MOV10L1: variants seen among roughly 807,000 people sequenced by gnomAD.
MOV10L1 encodes the protein Mov10 like RNA helicase 1, also known as RNA helicase Mov10l1.
A neutral mutation model predicts 143.8 loss-of-function variants in MOV10L1; 110 were observed. That is an observed-to-expected ratio of 0.76 (90% CI 0.66 to 0.90). MOV10L1 has a LOEUF of 0.90. Among genes scored for constraint, MOV10L1 ranks in the 40% least tolerant of loss-of-function variants. MOV10L1 has a pLI of 0.00. For synonymous variants in MOV10L1, 593 were observed against 581.1 expected (o/e 1.02, Z -0.29); for missense variants, 1,406 against 1,526.8 (o/e 0.92, Z 1.32).
intron 3 of MOV10L1, among the ~76,000 whole-genome samples, chr22:50,100,732 C>G (rs941167981): frequency 1.3e-5 from 2 of 151,994 alleles, no homozygotes; most frequent in African/African-American, 4.8e-5. Flanking sequence ...GTCTTGAACT[C>G]CTGACCTTGT....
At chr22:50,117,928 G>A (rs1178424951) in intron 9 of MOV10L1, among the ~76,000 whole-genome samples, 1 of 152,082 alleles carries the variant, frequency 6.6e-6, no homozygotes, top group Non-Finnish European at 1.5e-5. Context: ...GTTATAAAAC[G>A]AAAAAGCCCT....
intron 20 of MOV10L1, among the ~76,000 whole-genome samples, chr22:50,150,036 C>T (rs2063254878): frequency 6.6e-6 from 1 of 152,006 alleles, no homozygotes; most frequent in Admixed American, 6.5e-5. Flanking sequence ...GGCCAGTGCT[C>T]CTGCATCTGA....
At chr22:50,122,889 C>T (rs375783026) in intron 10 of MOV10L1, among the ~76,000 whole-genome samples, 107 of 152,110 alleles carry the variant, frequency 7.0e-4, no homozygotes, top group African/African-American at 1.9e-3. Flanking sequence ...CCACCATGCC[C>T]GGCTAACTTT....
At position 50,145,792 on chromosome 22, in the gene MOV10L1, T is replaced by G; in HGVS notation, c.2609T>G (p.Phe870Cys). The change falls in exon 19 of 27, where the codon TTT becomes TGT. Residue 870 changes from phenylalanine to cysteine, a missense_variant. By Grantham distance (205) the Phe-to-Cys change is radical. Transcript: ENST00000262794. ...ACCACATGCAGCAGCTCAGGGCTGTTTTACCAAATAGGAGTGAGGTGAGCC... is the reference window on the plus strand; with the variant it reads ...ACCACATGCAGCAGCTCAGGGCTGTGTTACCAAATAGGAGTGAGGTGAGCC... ...IITTCSSSGL[F>C]YQIGVRVGHF... The G allele has an allele frequency of 6.2e-7, 1 of 1,613,940 alleles. No homozygotes were observed. Among genetic ancestry groups the G allele is most frequent in the Non-Finnish European group, 8.5e-7 (1 of 1,179,988 alleles).
At chr22:50,111,893 A>C (rs2062035789) in intron 5 of MOV10L1, among the ~76,000 whole-genome samples, 1 of 152,108 alleles carries the variant, frequency 6.6e-6, no homozygotes, top group Non-Finnish European at 1.5e-5. Context: ...TTTGATCCCG[A>C]TAGAATGCAG....
chr22:50,145,687 A>G lies in MOV10L1; in HGVS notation c.2506-2A>G. ...ACTAACTCTACGCCTCCTTGCCCCC[A>G]GATAGTTATTGACGCCGTCAAACCG... On this transcript the variant is annotated splice_acceptor_variant, in intron 18 of 26. Transcript: ENST00000262794. LOFTEE classifies it high-confidence loss of function. 1 of 1,614,088 alleles carries G rather than the reference A, an allele frequency of 6.2e-7. No individual in the cohort carries two copies. The highest frequency in any genetic ancestry group is 8.5e-7 in the Non-Finnish European group (1 of 1,180,006).
intron 15 of MOV10L1, among the ~76,000 whole-genome samples, chr22:50,135,180 A>T (rs1569311597): frequency 6.6e-6 from 1 of 151,728 alleles, no homozygotes; most frequent in Non-Finnish European, 1.5e-5. Context: ...CACCCAGCTA[A>T]TTTTTGTATT....
intron 15 of MOV10L1, among the ~76,000 whole-genome samples, chr22:50,140,185 G>T (rs1184114147): frequency 6.6e-6 from 1 of 152,194 alleles, no homozygotes; most frequent in African/African-American, 2.4e-5. Context: ...AACACAGGTG[G>T]CTCTCCAATG....
At chr22:50,114,896 G>A (rs111656628) in intron 7 of MOV10L1, among the ~76,000 whole-genome samples, 2 of 152,200 alleles carry the variant, frequency 1.3e-5, no homozygotes, top group African/African-American at 4.8e-5. Flanking sequence ...GCCGGGGCAG[G>A]CCTTCTATCC....
intron 10 of MOV10L1, among the ~76,000 whole-genome samples, chr22:50,124,435 G>T (rs1194194633): frequency 6.6e-6 from 1 of 152,082 alleles, no homozygotes; most frequent in African/African-American, 2.4e-5. Context: ...GATATTAATA[G>T]ATTTGGTTTA....
intron 13 of MOV10L1, among the ~76,000 whole-genome samples, chr22:50,132,134 CA>C (rs2062696122): frequency 1.3e-5 from 2 of 152,238 alleles, no homozygotes; most frequent in Non-Finnish European, 2.9e-5. Flanking sequence ...CTCAACTCCT[CA>C]TACCCAGTAA....
intron 4 of MOV10L1, 44 bp from the exon 5 acceptor site, chr22:50,108,613 C>T (rs2061938491): frequency 6.2e-7 from 1 of 1,604,376 alleles, no homozygotes; most frequent in Non-Finnish European, 8.5e-7. Flanking sequence ...GCCCTGTCGT[C>T]ATGCAGCATC....
intron 5 of MOV10L1, among the ~76,000 whole-genome samples, chr22:50,110,300 T>C (rs1213116156): frequency 6.6e-6 from 1 of 151,512 alleles, no homozygotes; most frequent in Non-Finnish European, 1.5e-5. Flanking sequence ...ACACAAAAAA[T>C]TAGCCAGGCG....
intron 15 of MOV10L1, among the ~76,000 whole-genome samples, chr22:50,135,861 A>G (rs1207852592): frequency 6.6e-6 from 1 of 152,126 alleles, no homozygotes; most frequent in Non-Finnish European, 1.5e-5. Flanking sequence ...TGTGAATACA[A>G]TAGAAGTGGT....
intron 3 of MOV10L1, among the ~76,000 whole-genome samples, chr22:50,105,261 A>G (rs553940383): frequency 3.3e-5 from 5 of 152,262 alleles, no homozygotes; most frequent in East Asian, 1.9e-4. Context: ...TTTTGCATCA[A>G]TTCAGAGCCC....
chr22:50,125,654 A>C, intron 11 of MOV10L1, 85 bp downstream of exon 11: 5 of 1,323,784 alleles, frequency 3.8e-6, no homozygotes, highest in Non-Finnish European at 5.2e-6. Context: ...TGGCAATATG[A>C]CAGTCACATT....
At chr22:50,106,642 G>T (rs971284625) in intron 3 of MOV10L1, among the ~76,000 whole-genome samples, 1 of 151,262 alleles carries the variant, frequency 6.6e-6, no homozygotes, top group Non-Finnish European at 1.5e-5. Context: ...TTTACAAAAC[G>T]CTGTATAAAT....
chr22:50,108,659 C>G lies in MOV10L1; in HGVS notation c.558C>G (p.Val186=), dbSNP rs1312836108. The G allele has an allele frequency of 1.2e-6, 2 of 1,614,056 alleles. No homozygotes were observed. The part of the protein sequence containing the change: ...KPLRYKRVDK[V]CISSLCGRNG... ...GACGCTCAGCTCTCTGCTCCCAGGT[C>G]TGCATCTCTAGCCTCTGTGGAAGGA... Residue 186 remains valine (V), a splice_region_variant and synonymous_variant, in exon 5 of 27, where the codon GTC becomes GTG. Transcript: ENST00000262794.
At position 50,150,908 on chromosome 22, in the gene MOV10L1, C is replaced by T; in HGVS notation, c.2892+9C>T. ...CACATAATCCCCTGTTGGTGAGTCA[C>T]AGACTCCAGCGCGTTCAGGTCCCCA... On this transcript the variant is annotated intron_variant, in intron 21 of 26. Coordinates refer to ENST00000262794, the MANE Select transcript of MOV10L1 (RefSeq NM_018995.3). The T allele has an allele frequency of 1.9e-6, 3 of 1,614,064 alleles. No homozygotes were observed. The highest frequency in any genetic ancestry group is 2.5e-6 in the Non-Finnish European group (3 of 1,179,980).
Sources: gnomAD v4.1 joint callset for allele counts (sites outside exome capture counted in the v4.1 genomes callset) on GRCh38, gnomAD v4.1.1 for gene constraint, MANE v1.5 for transcripts, NCBI Gene and HGNC (gene_info 2026-07-23, HGNC 2026-07-21) for gene names.